ATXN1: variants seen among roughly 807,000 people sequenced by gnomAD.
ATXN1 encodes ataxin 1.
ATXN1 carries 8 observed loss-of-function variants against 56.4 expected under a neutral mutation model. That is an observed-to-expected ratio of 0.14 (90% CI 0.08 to 0.26). The LOEUF is 0.26. ATXN1 is among the 10% of genes least tolerant of loss of function. The pLI, the probability that ATXN1 is intolerant of heterozygous loss-of-function variation, is 1.00. For missense variants in ATXN1, 987 were observed against 1,106.5 expected (o/e 0.89, Z 1.53); for synonymous variants, 514 against 494.6 (o/e 1.04, Z -0.52).
intron 7 of ATXN1, among the ~76,000 whole-genome samples, chr6:16,310,921 T>C (rs1760375671): frequency 6.6e-6 from 1 of 152,256 alleles, no homozygotes. Context: ...CTTTGTTAAC[T>C]CTGATTGATC....
At chr6:16,397,810 C>CACAAGAAT (rs1158838100) in intron 6 of ATXN1, among the ~76,000 whole-genome samples, 1 of 151,946 alleles carries the variant, frequency 6.6e-6, no homozygotes, top group Admixed American at 6.6e-5. Context: ...CAAGAACTCA[C>CACAAGAAT]ACAAGAATAC....
intron 6 of ATXN1, among the ~76,000 whole-genome samples, chr6:16,480,950 C>G (rs1479548067): frequency 6.6e-6 from 1 of 152,118 alleles, no homozygotes; most frequent in Non-Finnish European, 1.5e-5. Flanking sequence ...AGCAGTGACT[C>G]CTGCAAAGAC....
At chr6:16,308,338 A>T in intron 7 of ATXN1, among the ~76,000 whole-genome samples, 1 of 143,080 alleles carries the variant, frequency 7.0e-6, no homozygotes, top group African/African-American at 2.6e-5. Flanking sequence ...ACACACACAC[A>T]CACACACACA....
intron 6 of ATXN1, among the ~76,000 whole-genome samples, chr6:16,399,902 C>T (rs1266931393): frequency 2.6e-5 from 4 of 152,176 alleles, no homozygotes; most frequent in Non-Finnish European, 5.9e-5. Context: ...TTTCCATTGA[C>T]CTTCTAACTG....
At chr6:16,593,877 ATAT>A (rs1290852670) in intron 3 of ATXN1, among the ~76,000 whole-genome samples, 11 of 147,916 alleles carry the variant, frequency 7.4e-5, no homozygotes, top group African/African-American at 2.5e-4. Context: ...ATATATATAT[ATAT>A]AAAGGTTCTC....
At chr6:16,694,297 G>C (rs1228799627) in intron 2 of ATXN1, among the ~76,000 whole-genome samples, 4 of 147,838 alleles carry the variant, frequency 2.7e-5, no homozygotes, top group Non-Finnish European at 5.9e-5. Flanking sequence ...CTGTCGCCAG[G>C]CTGGAGTGCA....
intron 2 of ATXN1, among the ~76,000 whole-genome samples, chr6:16,730,435 GAA>G (rs1759944120): frequency 6.9e-6 from 1 of 145,722 alleles, no homozygotes; most frequent in Non-Finnish European, 1.5e-5. Context: ...AGAAGTTAGG[GAA>G]AAAGATGTGT....
intron 4 of ATXN1, among the ~76,000 whole-genome samples, chr6:16,538,560 C>G (rs932108058): frequency 1.1e-4 from 16 of 151,824 alleles, no homozygotes; most frequent in African/African-American, 3.6e-4. Flanking sequence ...TTAGGTATAT[C>G]TCCTAATGCT....
At chr6:16,467,666 A>G (rs1019862715) in intron 6 of ATXN1, among the ~76,000 whole-genome samples, 3 of 152,248 alleles carry the variant, frequency 2.0e-5, no homozygotes, top group South Asian at 2.1e-4. Flanking sequence ...ATGGGCATAC[A>G]TTCACTATAG....
chr6:16,415,889 G>A (rs758131346), intron 6 of ATXN1, among the ~76,000 whole-genome samples: 8 of 152,142 alleles, frequency 5.3e-5, no homozygotes, highest in African/African-American at 9.7e-5. Flanking sequence ...CCTCCTCCGC[G>A]CCTCTGCTGG....
chr6:16,752,308 C>T (rs997672531), intron 2 of ATXN1, among the ~76,000 whole-genome samples: 3 of 152,260 alleles, frequency 2.0e-5, no homozygotes, highest in Middle Eastern at 6.8e-3. Context: ...GCTGGAAGAC[C>T]GGCCGACCCA....
chr6:16,435,146 G>T (rs760540280), intron 6 of ATXN1, among the ~76,000 whole-genome samples: 16 of 152,206 alleles, frequency 1.1e-4, no homozygotes, highest in Non-Finnish European at 1.8e-4. Context: ...GAATTCTTGG[G>T]TAGATGAGGT....
chr6:16,373,531 C>T (rs1394118829), intron 6 of ATXN1, among the ~76,000 whole-genome samples: 1 of 152,152 alleles, frequency 6.6e-6, no homozygotes, highest in African/African-American at 2.4e-5. Context: ...TTGGCTGTGT[C>T]CCCACCCAAG....
intron 6 of ATXN1, among the ~76,000 whole-genome samples, chr6:16,440,470 T>C (rs1166340058): frequency 2.0e-5 from 3 of 148,254 alleles, no homozygotes; most frequent in Non-Finnish European, 3.0e-5. Context: ...ATTTTCTAGA[T>C]GAAGACCAAA....
intron 5 of ATXN1, among the ~76,000 whole-genome samples, chr6:16,491,090 A>ATTTTTTTT (rs35884389): frequency 7.7e-5 from 6 of 78,314 alleles, no homozygotes; most frequent in Non-Finnish European, 1.1e-4. Context: ...GGATCCCTGG[A>ATTTTTTTT]TTTTTTTTTT....
rs1760835836 is a variant in ATXN1, at chr6:16,327,295, G to A, written c.1016C>T (p.Ser339Leu). 3 of 1,613,132 alleles carry A rather than the reference G, an allele frequency of 1.9e-6. No individual in the cohort carries two copies. Among genetic ancestry groups the A allele is most frequent in the African/African-American group, 2.7e-5 (2 of 74,938 alleles). The change falls in exon 7 of 8, where the codon TCA (serine) becomes TTA (leucine). Residue 339 changes from serine to leucine, a missense_variant. Physicochemically the swap from Ser to Leu is moderately radical, Grantham distance 145. Around this residue, in one of 3 missense-constraint regions of ATXN1, gnomAD observed 723 missense variants for 791.7 expected, o/e 0.91. Transcript: ENST00000436367. Reference protein sequence around the residue: ...EKSRRYGAPSSADLGLGKAGG... With the variant: ...EKSRRYGAPSLADLGLGKAGG... ...TGCCTTGCCCAGGCCCAGGTCGGCT[G>A]AGGACGGGGCCCCGTACCGCCGGCT...
At chr6:16,436,418 T>G (rs1030733324) in intron 6 of ATXN1, among the ~76,000 whole-genome samples, 1 of 152,178 alleles carries the variant, frequency 6.6e-6, no homozygotes, top group Admixed American at 6.5e-5. Flanking sequence ...TGAAGTATTT[T>G]CCATTAAATG....
At chr6:16,446,876 T>C in intron 6 of ATXN1, among the ~76,000 whole-genome samples, 1 of 152,196 alleles carries the variant, frequency 6.6e-6, no homozygotes. Context: ...GTAACATGGA[T>C]GAAGCTACAG....
rs555160600 is a variant in ATXN1, at chr6:16,311,650, C to T, written c.1918-4791G>A. On this transcript the variant is annotated intron_variant, in intron 7 of 7. Transcript: ENST00000436367. Reference sequence around the variant, plus strand: ...CATAGACAAATATACTTACAAGTGACTGTATCAGATGGGGATACCCACTGT... The same window carrying T: ...CATAGACAAATATACTTACAAGTGATTGTATCAGATGGGGATACCCACTGT... Among the ~76,000 whole-genome samples, 24 of 152,312 alleles carry T rather than the reference C, an allele frequency of 1.6e-4. No homozygotes were observed. In the South Asian group the frequency reaches 4.3e-3, roughly 28 times the overall value.
Sources: allele counts gnomAD v4.1 joint callset (sites outside exome capture counted in the v4.1 genomes callset), GRCh38; gene constraint gnomAD v4.1.1; regional missense constraint gnomAD v4.1.1; transcripts MANE v1.5; gene names NCBI Gene and HGNC (gene_info 2026-07-23, HGNC 2026-07-21).